The following SCNN1D variants were observed in gnomAD, a reference collection of about 807,000 sequenced individuals.
SCNN1D encodes the protein sodium channel epithelial 1 subunit delta.
SCNN1D carries 104 observed loss-of-function variants against 87.8 expected under a neutral mutation model. The observed-to-expected ratio is 1.18, with a 90% CI of 1.01 to 1.39. SCNN1D has a LOEUF of 1.39. Ranked by LOEUF, SCNN1D falls within the 40% of genes most tolerant of loss-of-function variation. The probability of loss-of-function intolerance (pLI) is 0.00; values close to 1 mark genes in which losing one functional copy is unlikely to be tolerated. For missense variants in SCNN1D, 1,324 were observed against 1,093.9 expected, an observed-to-expected ratio of 1.21 and a Z score of -2.97; for synonymous variants, 628 against 481.2, an observed-to-expected ratio of 1.31 and a Z score of -3.99.
intron 5 of SCNN1D, among the ~76,000 whole-genome samples, chr1:1,284,770 A>G (rs567154405): frequency 1.3e-5 from 2 of 152,202 alleles, no homozygotes; most frequent in Admixed American, 6.5e-5. Context: ...AGATCCAGAC[A>G]GGGTGGAGAG....
At chr1:1,290,429 C>T (rs1338788060) in intron 13 of SCNN1D, 41 bp downstream of exon 13, 3 of 1,608,480 alleles carry the variant, frequency 1.9e-6, no homozygotes, top group Admixed American at 1.7e-5. Context: ...CAGCCATTAG[C>T]CGGGGGGTCA....
In SCNN1D at chr1:1,291,104, C is replaced by T. The variant is rs893337552; in HGVS notation, c.2016C>T (p.Leu672=). 1.2e-6 allele frequency: 2 copies of T among 1,612,394 alleles called. No homozygotes were observed. Among genetic ancestry groups the T allele is most frequent in the East Asian group, 2.2e-5 (1 of 44,876 alleles). The part of the protein sequence containing the change: ...LAKINIVYQE[L]NYRSVEEAPV... ...AAATCAACATCGTCTACCAGGAGCT[C>T]AACTACCGCTCAGTGGAGGAGGCGC... is the stretch of plus-strand genomic sequence containing the variant. Residue 672 remains leucine (L), a synonymous_variant, in exon 17 of 18, where the codon CTC becomes CTT. Coordinates refer to ENST00000379116, the MANE Select transcript of SCNN1D (RefSeq NM_001130413.4).
rs376055138 is a variant in SCNN1D at position 1,285,173 on chromosome 1, G to A, written c.465-398G>A. ...TCCCCACCTGGTGTCCCCAGGCCCC[G>A]AAGCTTCTGGCTCGCTCTAGCACCT... is the stretch of plus-strand genomic sequence containing the variant. On this transcript the variant is annotated intron_variant, in intron 5 of 17. Transcript: ENST00000379116. Among the ~76,000 whole-genome samples the A allele has an allele frequency of 2.2e-3, 328 of 152,320 alleles. 2 individuals are homozygous for A. The highest frequency in any genetic ancestry group is 7.3e-3 in the African/African-American group (303 of 41,574).
intron 10 of SCNN1D, 25 bp downstream of exon 10, chr1:1,287,621 C>G (rs535125160): frequency 6.2e-7 from 1 of 1,609,516 alleles, no homozygotes; most frequent in Non-Finnish European, 8.5e-7. Context: ...CTGGCCGGTG[C>G]GGGGGCAGGG....
Position 1,290,904 on chromosome 1 carries a change from C to T in SCNN1D, c.1927C>T (p.Leu643=), listed in dbSNP as rs1203646869. ...AACCTTCCGTCTGCAGGGATGGACT[C>T]TGGCCACGCTAGGTGAACAGGGGCT... ...WPSAKSAGWT[L]ATLGEQGLPH... Residue 643 remains leucine (L), a synonymous_variant, in exon 16 of 18, where the codon CTG becomes TTG. Transcript: ENST00000379116. 3 of 1,609,968 alleles carry T rather than the reference C, an allele frequency of 1.9e-6. No homozygotes were observed. The highest frequency in any genetic ancestry group is 2.5e-6 in the Non-Finnish European group (3 of 1,178,940).
chr1:1,282,233 T>G lies in SCNN1D; in HGVS notation c.278-9T>G, dbSNP rs1237334731. Reference sequence around the variant, plus strand: ...CACACAGCCAGTGACGAAGCTGTGATTCACACAGGCCTGGGTGACTCCAGC... The same window carrying G: ...CACACAGCCAGTGACGAAGCTGTGAGTCACACAGGCCTGGGTGACTCCAGC... On this transcript the variant is annotated splice_polypyrimidine_tract_variant and intron_variant, in intron 3 of 17. Coordinates refer to ENST00000379116, the MANE Select transcript of SCNN1D (RefSeq NM_001130413.4). 7.0e-7 allele frequency: 1 copy of G among 1,429,966 alleles called. No individual in the cohort carries two copies. The highest frequency in any genetic ancestry group is 9.6e-7 in the Non-Finnish European group (1 of 1,037,266). The allele number at this position is 1,429,966 out of a possible 1,614,324, so 88.6% of individuals were successfully genotyped here.
chr1:1,287,911 C>T, intron 11 of SCNN1D, 28 bp from the exon 12 acceptor site: 2 of 1,528,266 alleles, frequency 1.3e-6, no homozygotes, highest in Non-Finnish European at 1.8e-6. Context: ...GAGGGCAGGG[C>T]CCATGGAACT....
chr1:1,291,172 G>T (rs113223522), intron 17 of SCNN1D, 32 bp downstream of exon 17: 9 of 1,603,750 alleles, frequency 5.6e-6, no homozygotes, highest in South Asian at 1.1e-5. Context: ...GGGCTAGAGC[G>T]GGGGCAGCGA....
At position 1,280,557 on chromosome 1, in the gene SCNN1D, CA is replaced by C; in HGVS notation, c.-104del. 1 of 664,402 alleles carries C rather than the reference CA, an allele frequency of 1.5e-6. No homozygotes were observed. The highest frequency in any genetic ancestry group is 2.0e-5 in the Admixed American group (1 of 48,826). 41.2% of individuals were successfully genotyped at this position (664,402 alleles called of 1,614,324 possible). A position where few individuals can be genotyped will look rare whatever the true frequency, so the allele number is the denominator to read the frequency against. On this transcript the variant is annotated 5_prime_UTR_variant, in exon 1 of 18. It introduces an in-frame stop codon into an upstream open reading frame of the 5' UTR. Coordinates refer to ENST00000379116, the MANE Select transcript of SCNN1D (RefSeq NM_001130413.4). ...ATGAAGGTCTTATCGCAGATGAAGCCACCAGGTCACAAGCCTCAGAGAGAAT... is the reference window on the plus strand; with the variant it reads ...ATGAAGGTCTTATCGCAGATGAAGCCCCAGGTCACAAGCCTCAGAGAGAAT...
intron 8 of SCNN1D, 56 bp from the exon 9 acceptor site, chr1:1,287,053 T>C (rs569704050): frequency 6.3e-7 from 1 of 1,576,818 alleles, no homozygotes; most frequent in East Asian, 2.3e-5. Context: ...GTACCTCGAG[T>C]GGGGAGCGGG....
rs769237214 is a variant in SCNN1D at position 1,287,719 on chromosome 1, G to A, written c.1446G>A (p.Leu482=). ...LRVEQQPHLP[L]LSTLAGIRVM... is the part of the protein sequence containing the mutation. ...TTGAGCAGCAGCCTCACCTCCCTCTGCTGTCCACGCTGGCCGGCATCAGGG... is the reference window on the plus strand; with the variant it reads ...TTGAGCAGCAGCCTCACCTCCCTCTACTGTCCACGCTGGCCGGCATCAGGG... The change falls in exon 11 of 18, where the codon CTG becomes CTA. Residue 482 remains leucine, a synonymous_variant. Coordinates refer to ENST00000379116, the MANE Select transcript of SCNN1D (RefSeq NM_001130413.4). 5.0e-6 allele frequency: 8 copies of A among 1,609,496 alleles called. No individual in the cohort carries two copies. In the East Asian group the frequency reaches 1.1e-4, roughly 22 times the overall value.
rs746499799 is a variant in SCNN1D at position 1,287,295 on chromosome 1, G to T, written c.1306G>T (p.Ala436Ser). The T allele has an allele frequency of 6.3e-7, 1 of 1,589,986 alleles. No homozygotes were observed. Among genetic ancestry groups the T allele is most frequent in the South Asian group, 1.1e-5 (1 of 89,056 alleles). Reference protein sequence around the residue: ...SCSYDGLDCQARQFRTFHHPT... With the variant: ...SCSYDGLDCQSRQFRTFHHPT... ...CAGTTACGATGGCCTGGACTGCCAG[G>T]CCCGGTGAGTGTGGCGGGCGGGGGC... The change falls in exon 9 of 18, where the codon GCC becomes TCC. Residue 436 changes from alanine (A) to serine (S), a missense_variant. By Grantham distance (99) the Ala-to-Ser change is moderately conservative. Transcript: ENST00000379116.
chr1:1,288,672 T>C (rs796367412), intron 12 of SCNN1D, among the ~76,000 whole-genome samples: 122 of 66,844 alleles, frequency 1.8e-3, no homozygotes, highest in East Asian at 5.7e-3. Context: ...GTCCCGTGTC[T>C]CTGCTCCGTC....
chr1:1,288,621 T>C (rs866492964), intron 12 of SCNN1D, among the ~76,000 whole-genome samples: 183 of 10,244 alleles, frequency 0.018, 2 homozygotes, highest in East Asian at 0.032. Context: ...GTGTCTCTGC[T>C]CCGTCCCCCG....
At chr1:1,288,322 CTCCGT>C (rs1640672313) in intron 12 of SCNN1D, among the ~76,000 whole-genome samples, 1 of 71,236 alleles carries the variant, frequency 1.4e-5, no homozygotes, top group African/African-American at 1.3e-4. Context: ...CGTGTCCCTG[CTCCGT>C]CCCGTGTCTC....
chr1:1,289,597 T>TCC (rs1485754115), intron 12 of SCNN1D, among the ~76,000 whole-genome samples: 2 of 14,910 alleles, frequency 1.3e-4, no homozygotes, highest in Non-Finnish European at 9.9e-5. Context: ...CTCTGCTCCG[T>TCC]CCCGTGTCTC....
chr1:1,284,278 C>T (rs1339680982), intron 5 of SCNN1D, among the ~76,000 whole-genome samples, 188 bp downstream of exon 5: 2 of 79,254 alleles, frequency 2.5e-5, no homozygotes, highest in African/African-American at 5.4e-5. Context: ...TTGGGGGGAC[C>T]CGCCTCGAGG....
At chr1:1,287,060 C>T (rs374197293) in intron 8 of SCNN1D, 49 bp from the exon 9 acceptor site, 60 of 1,574,510 alleles carry the variant, frequency 3.8e-5, no homozygotes, top group Middle Eastern at 1.7e-4. Context: ...GAGTGGGGAG[C>T]GGGGCCTGGG....
At chr1:1,290,074 CCGTGTCTCTGCTCCGT>C (rs1640738096) in intron 12 of SCNN1D, among the ~76,000 whole-genome samples, 181 bp from the exon 13 acceptor site, 2 of 136,710 alleles carry the variant, frequency 1.5e-5, no homozygotes, top group Admixed American at 7.3e-5. Flanking sequence ...CTGCTCCGTC[CCGTGTCTCTGCTCCGT>C]CCCGTGTCTC....
Sources: allele counts gnomAD v4.1 joint callset (sites outside exome capture counted in the v4.1 genomes callset), GRCh38; gene constraint gnomAD v4.1.1; transcripts MANE v1.5; gene names NCBI Gene and HGNC (gene_info 2026-07-23, HGNC 2026-07-21).